Variants in CHRM3 observed in about 807,000 individuals in gnomAD.
CHRM3 encodes the protein muscarinic acetylcholine receptor M3.
A neutral mutation model predicts 41.8 loss-of-function variants in CHRM3; 11 were observed. The observed-to-expected ratio is 0.26, with a 90% CI of 0.17 to 0.44. CHRM3 has a LOEUF of 0.44. Among genes scored for constraint, CHRM3 ranks in the 20% least tolerant of loss-of-function variants. The pLI is 1.00. For synonymous variants in CHRM3, 297 were observed against 301.4 expected, an observed-to-expected ratio of 0.99 and a Z score of 0.15; for missense variants, 571 against 745.4, an observed-to-expected ratio of 0.77 and a Z score of 2.72.
intron 1 of CHRM3, among the ~76,000 whole-genome samples, chr1:239,489,982 G>A (rs1308575781): frequency 3.9e-5 from 6 of 152,060 alleles, no homozygotes; most frequent in Admixed American, 2.0e-4. Flanking sequence ...CTGGATTCAG[G>A]TCCTGGCTCT....
At chr1:239,785,994 A>G (rs1177662540) in intron 5 of CHRM3, among the ~76,000 whole-genome samples, 1 of 152,204 alleles carries the variant, frequency 6.6e-6, no homozygotes, top group Non-Finnish European at 1.5e-5. Context: ...AAATAGGTTC[A>G]AGTGCTTACA....
At chr1:239,679,744 A>T (rs1658376146) in intron 5 of CHRM3, among the ~76,000 whole-genome samples, 1 of 152,118 alleles carries the variant, frequency 6.6e-6, no homozygotes. Flanking sequence ...GGGCCTACAC[A>T]AATTTGTATG....
At chr1:239,879,306 T>C (rs1317266791) in intron 6 of CHRM3, among the ~76,000 whole-genome samples, 1 of 152,134 alleles carries the variant, frequency 6.6e-6, no homozygotes, top group Non-Finnish European at 1.5e-5. Context: ...TGTGCATTTC[T>C]GTGAGGCTCC....
At chr1:239,892,764 A>G (rs2102953438) in intron 6 of CHRM3, among the ~76,000 whole-genome samples, 1 of 152,312 alleles carries the variant, frequency 6.6e-6, no homozygotes, top group South Asian at 2.1e-4. Flanking sequence ...CAGCAAACAC[A>G]GTGTCTCATG....
At chr1:239,734,835 CTTAGAT>C (rs946542489) in intron 5 of CHRM3, among the ~76,000 whole-genome samples, 4 of 152,030 alleles carry the variant, frequency 2.6e-5, no homozygotes, top group African/African-American at 9.7e-5. Context: ...TAGGTGGGAA[CTTAGAT>C]GAAATAAGAT....
chr1:239,788,601 A>G (rs1669093475), intron 5 of CHRM3, among the ~76,000 whole-genome samples: 1 of 152,058 alleles, frequency 6.6e-6, no homozygotes, highest in Admixed American at 6.5e-5. Context: ...CCCCATCTCT[A>G]CTAAAAATGC....
At chr1:239,602,110 G>GTGTATATA (rs1307023039) in intron 3 of CHRM3, among the ~76,000 whole-genome samples, 8 of 112,842 alleles carry the variant, frequency 7.1e-5, no homozygotes, top group South Asian at 2.9e-4. Context: ...GTGTGTGTGT[G>GTGTATATA]TATATATATA....
intron 5 of CHRM3, among the ~76,000 whole-genome samples, chr1:239,813,910 C>T (rs1671345203): frequency 3.1e-5 from 1 of 32,496 alleles, no homozygotes; most frequent in Non-Finnish European, 5.9e-5. Context: ...GAGCGAGACT[C>T]CGTCTCAAAA....
intron 5 of CHRM3, among the ~76,000 whole-genome samples, chr1:239,713,523 T>C (rs957733929): frequency 6.6e-6 from 1 of 152,230 alleles, no homozygotes; most frequent in African/African-American, 2.4e-5. Context: ...GTAATCTTAT[T>C]CTGTTTACTG....
In CHRM3 at chr1:239,457,985, C is replaced by T. The variant is rs1665077293; in HGVS notation, c.-520-34724C>T. 2.6e-5 allele frequency among the ~76,000 whole-genome samples: 4 copies of T among 152,058 alleles called. No individual in the cohort carries two copies. In the South Asian group the frequency reaches 8.3e-4, roughly 32 times the overall value. On this transcript the variant is annotated intron_variant, in intron 1 of 6. Coordinates refer to ENST00000676153, the MANE Select transcript of CHRM3 (RefSeq NM_001375978.1). ...AGGTAGAAATTTGTGGGCTTCAATT[C>T]AGTCTCAGTTATGCCGTACTTGTGT...
chr1:239,620,847 T>A (rs1668281716), intron 3 of CHRM3, among the ~76,000 whole-genome samples: 1 of 152,102 alleles, frequency 6.6e-6, no homozygotes, highest in Admixed American at 6.5e-5. Flanking sequence ...GAGAAATATA[T>A]AGTACTGTTT....
intron 5 of CHRM3, among the ~76,000 whole-genome samples, chr1:239,809,272 G>A (rs1244140282): frequency 4.6e-5 from 7 of 151,838 alleles, no homozygotes; most frequent in Admixed American, 1.3e-4. Flanking sequence ...CGCCCGCCTC[G>A]GCCTCCCAAA....
intron 6 of CHRM3, among the ~76,000 whole-genome samples, chr1:239,829,283 G>A (rs1672712455): frequency 1.3e-5 from 2 of 152,128 alleles, no homozygotes; most frequent in African/African-American, 4.8e-5. Context: ...AGCTTTGCAA[G>A]TCTGTGCCTC....
In CHRM3 at chr1:239,427,431, C is replaced by T. The variant is rs1010979734; in HGVS notation, c.-521+40204C>T. Among the ~76,000 whole-genome samples, 2 of 152,120 alleles carry T rather than the reference C, an allele frequency of 1.3e-5. 1 individual carries two copies. Among genetic ancestry groups the T allele is most frequent in the Middle Eastern group, 6.8e-3 (2 of 294 alleles). On this transcript the variant is annotated intron_variant, in intron 1 of 6. Transcript: ENST00000676153. The stretch of plus-strand genomic sequence containing the variant: ...AGTGTGGTGGTAGGAGAGGGTTGGC[C>T]GTGGGACCTTAGCCTCAGTAGAGGA...
chr1:239,572,950 T>C (rs529831942), intron 3 of CHRM3, among the ~76,000 whole-genome samples: 129 of 152,318 alleles, frequency 8.5e-4, no homozygotes, highest in Middle Eastern at 3.4e-3. Flanking sequence ...TCCAATATTC[T>C]GTTTCTTCTC....
chr1:239,842,726 ACACACACATGCATGCACG>A (rs1221022408), intron 6 of CHRM3, among the ~76,000 whole-genome samples: 1 of 152,222 alleles, frequency 6.6e-6, no homozygotes, highest in Non-Finnish European at 1.5e-5. Context: ...ACCCCAACAT[ACACACACATGCATGCACG>A]CACACACAGG....
chr1:239,682,997 A>G (rs1658717290), intron 5 of CHRM3, among the ~76,000 whole-genome samples: 1 of 152,136 alleles, frequency 6.6e-6, no homozygotes, highest in African/African-American at 2.4e-5. Flanking sequence ...AACATTCAAC[A>G]TCCTCTCTTC....
chr1:239,405,678 G>A (rs1055479950), intron 1 of CHRM3, among the ~76,000 whole-genome samples: 3 of 152,032 alleles, frequency 2.0e-5, no homozygotes, highest in South Asian at 4.1e-4. Context: ...GCAGACAACT[G>A]CATTTGTGTG....
intron 1 of CHRM3, among the ~76,000 whole-genome samples, chr1:239,443,422 A>G (rs536758686): frequency 6.6e-6 from 1 of 152,218 alleles, no homozygotes; most frequent in Non-Finnish European, 1.5e-5. Context: ...CTCTAAATAA[A>G]TAATTATGAG....
Sources: allele counts gnomAD v4.1 joint callset (sites outside exome capture counted in the v4.1 genomes callset), GRCh38; gene constraint gnomAD v4.1.1; transcripts MANE v1.5; gene names NCBI Gene and HGNC (gene_info 2026-07-23, HGNC 2026-07-21).